FBN2: variants seen among roughly 807,000 people sequenced by gnomAD.
The protein encoded by FBN2 is fibrillin-2.
A neutral mutation model predicts 355.6 loss-of-function variants in FBN2; 105 were observed. That is an observed-to-expected ratio of 0.30 (90% CI 0.25 to 0.35). The LOEUF (loss-of-function observed/expected upper bound fraction) is 0.35. Among genes scored for constraint, FBN2 ranks in the 10% least tolerant of loss-of-function variants. The pLI is 1.00. For missense variants in FBN2, 3,280 were observed against 3,758.7 expected (o/e 0.87, Z 3.33); for synonymous variants, 1,350 against 1,301.2 (o/e 1.04, Z -0.81).
intron 5 of FBN2, among the ~76,000 whole-genome samples, chr5:128,511,913 T>A (rs1272217795): frequency 6.6e-6 from 1 of 152,176 alleles, no homozygotes; most frequent in African/African-American, 2.4e-5. Context: ...ATAAACTGTT[T>A]AGAATAATAA....
intron 11 of FBN2, among the ~76,000 whole-genome samples, chr5:128,388,528 G>C (rs1332508760): frequency 2.6e-5 from 4 of 152,268 alleles, no homozygotes; most frequent in Non-Finnish European, 5.9e-5. Flanking sequence ...TGGTAAGGCA[G>C]GTCTGGTGGC....
chr5:128,433,867 C>T (rs1753695515), intron 7 of FBN2, among the ~76,000 whole-genome samples: 1 of 152,066 alleles, frequency 6.6e-6, no homozygotes, highest in Admixed American at 6.6e-5. Context: ...GAAACCACAG[C>T]CCTCTAGGAA....
intron 20 of FBN2, among the ~76,000 whole-genome samples, chr5:128,353,393 G>A (rs1479787392): frequency 6.6e-6 from 1 of 152,138 alleles, no homozygotes; most frequent in African/African-American, 2.4e-5. Flanking sequence ...CAGGGCAAAG[G>A]TGTGAAAAAG....
At chr5:128,429,279 A>G (rs932730871) in intron 7 of FBN2, among the ~76,000 whole-genome samples, 6 of 152,154 alleles carry the variant, frequency 3.9e-5, no homozygotes, top group Non-Finnish European at 8.8e-5. Flanking sequence ...GCGATGGGCC[A>G]CTAAAGGCAA....
intron 63 of FBN2, among the ~76,000 whole-genome samples, chr5:128,262,499 A>T (rs1473713410): frequency 6.6e-6 from 1 of 152,218 alleles, no homozygotes; most frequent in Non-Finnish European, 1.5e-5. Flanking sequence ...AGGTAAAAGT[A>T]AGGTATGAAT....
intron 5 of FBN2, among the ~76,000 whole-genome samples, chr5:128,495,442 T>C (rs1755630642): frequency 6.6e-6 from 1 of 152,072 alleles, no homozygotes. Context: ...TATTAATTTA[T>C]ACCTCCAAGA....
intron 2 of FBN2, among the ~76,000 whole-genome samples, chr5:128,532,193 C>CTCTCCTTCCTACAGCCTT: frequency 6.6e-6 from 1 of 152,306 alleles, no homozygotes; most frequent in Non-Finnish European, 1.5e-5. Flanking sequence ...CAATAATTCC[C>CTCTCCTTCCTACAGCCTT]TCTCCTTCCT....
chr5:128,482,805 A>T (rs1223726414), intron 5 of FBN2, among the ~76,000 whole-genome samples: 3 of 152,112 alleles, frequency 2.0e-5, no homozygotes, highest in Non-Finnish European at 1.5e-5. Flanking sequence ...AGATTTTTTT[A>T]TCATCATTAT....
rs1756904411 is a variant in FBN2 at position 128,537,901 on chromosome 5, C to T, written c.-298G>A. ...ATAACCGGCCTAAAGCCCCGAGCGA[C>T]TCCAGGACCGTCAGCGGGCGGGGGA... On this transcript the variant is annotated 5_prime_UTR_variant, in exon 1 of 65. Transcript: ENST00000262464. The T allele has an allele frequency of 2.1e-6, 1 of 474,728 alleles. No homozygotes were observed. Among genetic ancestry groups the T allele is most frequent in the Non-Finnish European group, 3.7e-6 (1 of 270,032 alleles). 29.4% of individuals were successfully genotyped at this position (474,728 alleles called of 1,614,324 possible).
At chr5:128,338,511 C>T (rs966469578) in intron 26 of FBN2, among the ~76,000 whole-genome samples, 2 of 152,070 alleles carry the variant, frequency 1.3e-5, no homozygotes, top group Non-Finnish European at 2.9e-5. Flanking sequence ...GGTCTTATAT[C>T]ATACTGAAAA....
At chr5:128,428,950 G>A (rs1753550629) in intron 7 of FBN2, among the ~76,000 whole-genome samples, 1 of 152,072 alleles carries the variant, frequency 6.6e-6, no homozygotes, top group South Asian at 2.1e-4. Flanking sequence ...ACTCTCATTG[G>A]CCCCAGGTTC....
intron 11 of FBN2, among the ~76,000 whole-genome samples, chr5:128,380,823 C>T (rs1311687731): frequency 6.6e-6 from 1 of 151,968 alleles, no homozygotes; most frequent in Non-Finnish European, 1.5e-5. Flanking sequence ...AGACCATGTT[C>T]GTTTTGTCTT....
At chr5:128,470,691 T>C (rs1338140087) in intron 5 of FBN2, among the ~76,000 whole-genome samples, 1 of 152,022 alleles carries the variant, frequency 6.6e-6, no homozygotes, top group African/African-American at 2.4e-5. Flanking sequence ...AAGAAAGCAG[T>C]GAGATCAATG....
chr5:128,521,655 G>A (rs1345401612), intron 4 of FBN2, among the ~76,000 whole-genome samples: 1 of 152,182 alleles, frequency 6.6e-6, no homozygotes, highest in Non-Finnish European at 1.5e-5. Context: ...TTGAGCTGTA[G>A]GAAATTTAAA....
intron 5 of FBN2, among the ~76,000 whole-genome samples, chr5:128,469,004 T>G (rs1754785698): frequency 6.6e-6 from 1 of 152,196 alleles, no homozygotes; most frequent in Non-Finnish European, 1.5e-5. Flanking sequence ...ATTGTATAAC[T>G]TGGAAATTAA....
At chr5:128,284,372 C>T (rs1281698371) in intron 55 of FBN2, among the ~76,000 whole-genome samples, 2 of 152,122 alleles carry the variant, frequency 1.3e-5, no homozygotes, top group African/African-American at 4.8e-5. Flanking sequence ...CCCCAGGGCC[C>T]ATACTCTGAG....
At chr5:128,536,917 C>G (rs373011632) in intron 1 of FBN2, among the ~76,000 whole-genome samples, 1 of 152,066 alleles carries the variant, frequency 6.6e-6, no homozygotes, top group South Asian at 2.1e-4. Context: ...CTCGGGTTGA[C>G]GATGAGAAGG....
At chr5:128,449,391 T>C (rs968200879) in intron 6 of FBN2, among the ~76,000 whole-genome samples, 1 of 98,146 alleles carries the variant, frequency 1.0e-5, no homozygotes, top group Non-Finnish European at 1.9e-5. Context: ...TACTATATAA[T>C]AGTATACTGT....
intron 26 of FBN2, among the ~76,000 whole-genome samples, chr5:128,338,351 C>A (rs757568496): frequency 1.3e-5 from 2 of 152,176 alleles, no homozygotes; most frequent in Admixed American, 1.3e-4. Flanking sequence ...TGCATGAAAT[C>A]AGCAGGCTCA....
Sources: gnomAD v4.1 joint callset for allele counts (sites outside exome capture counted in the v4.1 genomes callset) on GRCh38, gnomAD v4.1.1 for gene constraint, MANE v1.5 for transcripts, NCBI Gene and HGNC (gene_info 2026-07-23, HGNC 2026-07-21) for gene names.